Variants in MUCL1 observed in about 807,000 individuals in gnomAD.
MUCL1 encodes the protein mucin like 1.
MUCL1 carries 11 observed loss-of-function variants against 9.2 expected under a neutral mutation model. That is an observed-to-expected ratio of 1.19 (90% confidence interval 0.75 to 1.97). MUCL1 has a LOEUF of 1.97. Ranked by LOEUF, MUCL1 falls within the 30% of genes most tolerant of loss-of-function variation. MUCL1 has a pLI of 0.00. For synonymous variants in MUCL1, 48 were observed against 40.5 expected (o/e 1.19, Z -0.71); for missense variants, 144 against 110.9 (o/e 1.30, Z -1.34).
upstream of MUCL1, among the ~76,000 whole-genome samples, chr12:54,850,907 C>T (rs1358919545): frequency 6.6e-6 from 1 of 152,158 alleles, no homozygotes; most frequent in East Asian, 1.9e-4. Flanking sequence ...TCTCTGATGG[C>T]CAGTGATGGT....
At chr12:54,841,762 T>C (rs987244582) in intron 1 of MUCL1, among the ~76,000 whole-genome samples, 3 of 152,170 alleles carry the variant, frequency 2.0e-5, no homozygotes, top group African/African-American at 7.2e-5. Flanking sequence ...GTCCTTAAGT[T>C]TCATTTCATT....
intron 1 of MUCL1, among the ~76,000 whole-genome samples, chr12:54,844,918 G>C (rs1467414969): frequency 1.3e-5 from 2 of 152,158 alleles, no homozygotes; most frequent in Non-Finnish European, 2.9e-5. Flanking sequence ...TATTTTAATA[G>C]ACTCACAGAC....
At chr12:54,835,301 A>T (rs540376816), upstream of MUCL1, among the ~76,000 whole-genome samples, 4 of 152,044 alleles carry the variant, frequency 2.6e-5, no homozygotes, top group Admixed American at 2.6e-4. Flanking sequence ...CAAACAGTAG[A>T]TCTACTTTTT....
chr12:54,855,314 C>A, intron 2 of MUCL1, 157 bp downstream of exon 2: 2 of 642,744 alleles, frequency 3.1e-6, no homozygotes, highest in Non-Finnish European at 5.6e-6. Flanking sequence ...AAATTCACCA[C>A]AAACATAGTG....
chr12:54,853,293 G>A (rs544232972), upstream of MUCL1, among the ~76,000 whole-genome samples: 6 of 152,212 alleles, frequency 3.9e-5, no homozygotes, highest in Admixed American at 3.9e-4. Flanking sequence ...CCTCTTTGAG[G>A]CCTCAGTTGG....
intron 1 of MUCL1, among the ~76,000 whole-genome samples, chr12:54,847,730 T>A (rs752520955): frequency 6.6e-6 from 1 of 152,166 alleles, no homozygotes; most frequent in Non-Finnish European, 1.5e-5. Flanking sequence ...TAGTGATAAT[T>A]TTGGGGATTA....
At chr12:54,853,302 G>A (rs1444853111), upstream of MUCL1, among the ~76,000 whole-genome samples, 3 of 152,186 alleles carry the variant, frequency 2.0e-5, no homozygotes, top group Admixed American at 6.5e-5. Flanking sequence ...GGCCTCAGTT[G>A]GGTCCAGCAC....
chr12:54,855,985 A>T (rs1445491407), intron 2 of MUCL1, among the ~76,000 whole-genome samples: 1 of 152,186 alleles, frequency 6.6e-6, no homozygotes, highest in Non-Finnish European at 1.5e-5. Flanking sequence ...TGCTGAGGTG[A>T]GTCTAACTCA....
At chr12:54,856,683 A>G (rs1868301744) in intron 2 of MUCL1, 87 bp from the exon 3 acceptor site, 1 of 1,508,434 alleles carries the variant, frequency 6.6e-7, no homozygotes, top group Non-Finnish European at 9.0e-7. Flanking sequence ...TGAATTCAGG[A>G]TGAGGAATGT....
At chr12:54,846,604 G>A (rs1959260056) in intron 1 of MUCL1, among the ~76,000 whole-genome samples, 1 of 152,114 alleles carries the variant, frequency 6.6e-6, no homozygotes, top group Non-Finnish European at 1.5e-5. Flanking sequence ...AGCCATGACT[G>A]GGGAAACAAT....
chr12:54,838,841 A>G (rs7958025), upstream of MUCL1, among the ~76,000 whole-genome samples: 54,014 of 151,462 alleles, frequency 0.36, 11,482 homozygotes, highest in East Asian at 0.83. Context: ...TGTTTTTTAA[A>G]TTTCTTTATG....
intron 1 of MUCL1, among the ~76,000 whole-genome samples, chr12:54,833,807 T>A (rs10747715): frequency 0.53 from 74,141 of 138,828 alleles, 19,731 homozygotes; most frequent in East Asian, 0.86. Flanking sequence ...AACATCACAC[T>A]CTGGGGACTG....
chr12:54,849,071 T>C (rs1959298219), intron 1 of MUCL1, among the ~76,000 whole-genome samples: 1 of 152,106 alleles, frequency 6.6e-6, no homozygotes, highest in Admixed American at 6.5e-5. Context: ...AAGATACAGA[T>C]ATATAGGGAC....
intron 1 of MUCL1, among the ~76,000 whole-genome samples, chr12:54,845,669 C>T (rs1959244133): frequency 6.6e-6 from 1 of 152,098 alleles, no homozygotes. Context: ...TTGAGGGCCA[C>T]TGCACCCAAA....
chr12:54,834,944 G>A (rs1959190433), upstream of MUCL1, among the ~76,000 whole-genome samples: 2 of 151,940 alleles, frequency 1.3e-5, no homozygotes, highest in South Asian at 4.1e-4. Flanking sequence ...ATGCCACTCT[G>A]TATGCCTTTG....
chr12:54,858,172 C>A (rs753659452), intron 3 of MUCL1, 21 bp from the exon 4 acceptor site: 7 of 1,612,870 alleles, frequency 4.3e-6, no homozygotes, highest in Non-Finnish European at 5.1e-6. Context: ...AGCCCCTTGA[C>A]AATATTTTTT....
At chr12:54,850,390 A>G (rs1289928831), upstream of MUCL1, among the ~76,000 whole-genome samples, 4 of 143,616 alleles carry the variant, frequency 2.8e-5, no homozygotes, top group Admixed American at 7.3e-5. Flanking sequence ...GTTGCCACCT[A>G]TGAGTGAGAA....
At chr12:54,845,166 G>T (rs993488733) in intron 1 of MUCL1, among the ~76,000 whole-genome samples, 1 of 151,508 alleles carries the variant, frequency 6.6e-6, no homozygotes. Context: ...TCAGTATGAT[G>T]GCCTCAAGGT....
chr12:54,852,272 A>G (rs985410117), upstream of MUCL1, among the ~76,000 whole-genome samples: 3 of 152,272 alleles, frequency 2.0e-5, no homozygotes, highest in South Asian at 2.1e-4. Context: ...CAAGGCTACA[A>G]TAACCAAAAC....
Sources: allele counts gnomAD v4.1 joint callset (sites outside exome capture counted in the v4.1 genomes callset), GRCh38; gene constraint gnomAD v4.1.1; transcripts MANE v1.5; gene names NCBI Gene and HGNC (gene_info 2026-07-23, HGNC 2026-07-21).